LTN1: variants seen among roughly 807,000 people sequenced by gnomAD.
LTN1 encodes the protein E3 ubiquitin-protein ligase listerin.
A neutral mutation model predicts 201.2 loss-of-function variants in LTN1; 88 were observed. The ratio of observed to expected loss-of-function variants is 0.44; its 90% CI spans 0.37 to 0.52. The LOEUF (loss-of-function observed/expected upper bound fraction) is 0.52. Among genes scored for constraint, LTN1 ranks in the 20% least tolerant of loss-of-function variants. The pLI, the probability that LTN1 is intolerant of heterozygous loss-of-function variation, is 0.00. For synonymous variants in LTN1, 645 were observed against 713.5 expected, an observed-to-expected ratio of 0.90 and a Z score of 1.53; for missense variants, 1,752 against 2,038.7, an observed-to-expected ratio of 0.86 and a Z score of 2.71.
chr21:28,945,960 A>C lies in LTN1; in HGVS notation c.3624-9T>G. The C allele has an allele frequency of 6.3e-7, 1 of 1,599,388 alleles. No homozygotes were observed. Among genetic ancestry groups the C allele is most frequent in the Non-Finnish European group, 8.5e-7 (1 of 1,173,356 alleles). On this transcript the variant is annotated splice_polypyrimidine_tract_variant and intron_variant, in intron 20 of 29. Coordinates refer to ENST00000361371, the MANE Select transcript of LTN1 (RefSeq NM_015565.3). ...TTGCTTCTGATAGATTACTGTGATA[A>C]AGATAAAAACAAAAGACAATAAAAG...
chr21:28,938,641 T>A (rs924208887), intron 25 of LTN1, among the ~76,000 whole-genome samples: 2 of 152,262 alleles, frequency 1.3e-5, no homozygotes, highest in Admixed American at 6.5e-5. Context: ...AGCTTTATTT[T>A]CAATAGCCAA....
Position 28,943,287 on chromosome 21 carries a change from C to T in LTN1, c.4270G>A (p.Gly1424Arg), listed in dbSNP as rs754855048. The T allele has an allele frequency of 1.2e-6, 2 of 1,602,772 alleles. No individual in the cohort carries two copies. The highest frequency in any genetic ancestry group is 1.7e-5 in the Admixed American group (1 of 59,200). Residue 1424 changes from glycine to arginine, a missense_variant, in exon 24 of 30, where the codon GGA (glycine) becomes AGA (arginine). Physicochemically the swap from Gly to Arg is moderately radical, Grantham distance 125. This residue lies in a region of LTN1 where 1,211 missense variants were observed against 1,312.8 expected (regional missense o/e 0.92). Coordinates refer to ENST00000361371, the MANE Select transcript of LTN1 (RefSeq NM_015565.3). Reference protein sequence around the residue: ...QYDQDNLKSYGDEEEEPALSP... With the variant: ...QYDQDNLKSYRDEEEEPALSP... The stretch of plus-strand genomic sequence containing the variant: ...AAGGCTGGCTCTTCTTCTTCATCTC[C>T]GTATGACTTTAGATTATCCTGATCA...
intron 11 of LTN1, among the ~76,000 whole-genome samples, chr21:28,961,829 G>A (rs1362838460): frequency 6.6e-6 from 1 of 152,018 alleles, no homozygotes; most frequent in Non-Finnish European, 1.5e-5. Context: ...CAACCAACAC[G>A]GTGAAACCTT....
chr21:28,948,960 T>G (rs192345227), intron 18 of LTN1, among the ~76,000 whole-genome samples: 19 of 152,352 alleles, frequency 1.2e-4, no homozygotes, highest in Admixed American at 1.1e-3. Context: ...GATCTCAAAT[T>G]GCTTCTGAAA....
At chr21:28,959,358 AAC>A in intron 13 of LTN1, 98 bp downstream of exon 13, 1 of 1,415,266 alleles carries the variant, frequency 7.1e-7, no homozygotes. Flanking sequence ...TAAACTTTCA[AAC>A]ACATTATAAT....
Position 28,943,793 on chromosome 21 carries a change from G to A in LTN1, c.4094C>T (p.Ala1365Val). 6.2e-7 allele frequency: 1 copy of A among 1,613,632 alleles called. No homozygotes were observed. Residue 1365 changes from alanine to valine, a missense_variant, in exon 23 of 30, where the codon GCA becomes GTA. Physicochemically the swap from Ala to Val is moderately conservative, Grantham distance 64. Around this residue, in one of 3 missense-constraint regions of LTN1, gnomAD observed 1,211 missense variants for 1,312.8 expected, o/e 0.92. Coordinates refer to ENST00000361371, the MANE Select transcript of LTN1 (RefSeq NM_015565.3). ...KEQLLSHKLP[A>V]RLVADQKTNL... ...TGTTTTTTGGTCAGCAACTAATCTT[G>A]CAGGAAGTTTGTGACTCAATAGCTG...
chr21:28,944,019 C>T, intron 22 of LTN1, 115 bp from the exon 23 acceptor site: 1 of 676,710 alleles, frequency 1.5e-6, no homozygotes, highest in Non-Finnish European at 2.6e-6. Flanking sequence ...TAGACATAAA[C>T]AATAAAGCAG....
chr21:28,931,129 G>A lies in LTN1; in HGVS notation c.5238+26C>T, dbSNP rs575594408. 13 of 1,471,738 alleles carry A rather than the reference G, an allele frequency of 8.8e-6. No homozygotes were observed. In the East Asian group the frequency reaches 2.5e-4, roughly 28 times the overall value. 91.2% of individuals were successfully genotyped at this position (1,471,738 alleles called of 1,614,324 possible). A position where few individuals can be genotyped will look rare whatever the true frequency, so the allele number is the denominator to read the frequency against. On this transcript the variant is annotated intron_variant, in intron 29 of 29. Transcript: ENST00000361371. Reference sequence around the variant, plus strand: ...TGTGTATAAAATACATAAAATATAAGTAAGTTAATTTCTCTTTAGACTTAC... The same window carrying A: ...TGTGTATAAAATACATAAAATATAAATAAGTTAATTTCTCTTTAGACTTAC...
intron 18 of LTN1, among the ~76,000 whole-genome samples, chr21:28,951,389 A>T (rs1326424673): frequency 6.6e-6 from 1 of 152,154 alleles, no homozygotes; most frequent in Non-Finnish European, 1.5e-5. Flanking sequence ...AGCACACCCA[A>T]ACCCACAATC....
Position 28,986,911 on chromosome 21 carries a change from T to C in LTN1, c.66A>G (p.Ala22=). 1 of 1,614,128 alleles carries C rather than the reference T, an allele frequency of 6.2e-7. No homozygotes were observed. Among genetic ancestry groups the C allele is most frequent in the Non-Finnish European group, 8.5e-7 (1 of 1,179,958 alleles). ...NLRPSNSGRA[A]ELLAKEQGTV... is the part of the protein sequence containing the mutation. ...TTCCCTGTTCTTTGGCAAGGAGTTC[T>C]GCAGCTCGGCCACTGTTTGAAGGCT... Residue 22 remains alanine, a synonymous_variant, in exon 2 of 30, where the codon GCA becomes GCG. Coordinates refer to ENST00000361371, the MANE Select transcript of LTN1 (RefSeq NM_015565.3). This position sits in a 1 kb window ranked among gnomAD's most constrained non-coding sequence, Gnocchi z 4.1.
intron 6 of LTN1, among the ~76,000 whole-genome samples, chr21:28,975,995 A>T (rs1356333246): frequency 6.6e-6 from 1 of 152,226 alleles, no homozygotes; most frequent in African/African-American, 2.4e-5. Flanking sequence ...AGTAATGCCT[A>T]GCTCCATTTA....
At chr21:28,970,191 G>C (rs1159173780) in intron 8 of LTN1, among the ~76,000 whole-genome samples, 1 of 151,968 alleles carries the variant, frequency 6.6e-6, no homozygotes, top group Admixed American at 6.6e-5. Flanking sequence ...AATTTCACTG[G>C]CTAATTTTCT....
rs1242492254 is a variant in LTN1, at chr21:28,992,821, T to C, written c.-16A>G. On this transcript the variant is annotated 5_prime_UTR_variant, in exon 1 of 30. Coordinates refer to ENST00000361371, the MANE Select transcript of LTN1 (RefSeq NM_015565.3). ...TCCCGCCCATGGTCGCGGTTGCAGC[T>C]GTACTCTGAGCACTCAGACCCCGGT... 2.5e-6 allele frequency: 4 copies of C among 1,614,100 alleles called. No homozygotes were observed. In the Admixed American group the frequency reaches 6.7e-5, roughly 27 times the overall value.
At chr21:28,944,060 T>C (rs2084318250) in intron 22 of LTN1, among the ~76,000 whole-genome samples, 156 bp from the exon 23 acceptor site, 1 of 152,216 alleles carries the variant, frequency 6.6e-6, no homozygotes, top group Non-Finnish European at 1.5e-5. Context: ...TGAATATATA[T>C]TCCAGTTAAT....
intron 27 of LTN1, among the ~76,000 whole-genome samples, chr21:28,933,788 T>A (rs2084231821): frequency 6.6e-6 from 1 of 151,402 alleles, no homozygotes; most frequent in Admixed American, 6.6e-5. Flanking sequence ...AAAATTCTCC[T>A]ACCTCAGCCT....
Position 28,947,514 on chromosome 21 carries a change from C to T in LTN1, c.3437G>A (p.Cys1146Tyr). Residue 1146 changes from cysteine to tyrosine, a missense_variant, in exon 19 of 30, where the codon TGT becomes TAT. Cys to Tyr is a radical substitution (Grantham distance 194). Coordinates refer to ENST00000361371, the MANE Select transcript of LTN1 (RefSeq NM_015565.3). ...KEEKKEFSAQ[C>Y]IPALLGWTKK... Reference sequence around the variant, plus strand: ...AGTCCAGCCCAAAAGAGCAGGTATACATTGAGCACTAAATTCTTTCTTTTC... The same window carrying T: ...AGTCCAGCCCAAAAGAGCAGGTATATATTGAGCACTAAATTCTTTCTTTTC... The T allele has an allele frequency of 1.3e-6, 2 of 1,584,738 alleles. No individual in the cohort carries two copies. The highest frequency in any genetic ancestry group is 1.7e-6 in the Non-Finnish European group (2 of 1,166,668).
Position 28,943,663 on chromosome 21 carries a change from T to C in LTN1, c.4220+4A>G. On this transcript the variant is annotated splice_donor_region_variant and intron_variant, in intron 23 of 29. Coordinates refer to ENST00000361371, the MANE Select transcript of LTN1 (RefSeq NM_015565.3). ...AACATTGATTCAATTGGATGAATTC[T>C]TACTTGTATAGCATATGATAAACAG... 6.4e-7 allele frequency: 1 copy of C among 1,567,186 alleles called. No individual in the cohort carries two copies. Among genetic ancestry groups the C allele is most frequent in the South Asian group, 1.1e-5 (1 of 90,120 alleles).
Position 28,986,248 on chromosome 21 carries a change from G to A in LTN1, c.247-11C>T. The stretch of plus-strand genomic sequence containing the variant: ...AAATTCCTGCATAGCCTAAAAGTAA[G>A]TTATTAACATCATTAGGATTAACAA... On this transcript the variant is annotated splice_polypyrimidine_tract_variant and intron_variant, in intron 2 of 29. Transcript: ENST00000361371. This position sits in a 1 kb window ranked among gnomAD's most constrained non-coding sequence, Gnocchi z 4.1. 2 of 1,453,068 alleles carry A rather than the reference G, an allele frequency of 1.4e-6. No homozygotes were observed. The highest frequency in any genetic ancestry group is 1.9e-6 in the Non-Finnish European group (2 of 1,035,240). 90.0% of individuals were successfully genotyped at this position (1,453,068 alleles called of 1,614,324 possible).
chr21:28,931,378 T>C, intron 28 of LTN1, 56 bp from the exon 29 acceptor site: 2 of 995,116 alleles, frequency 2.0e-6, no homozygotes, highest in Admixed American at 5.4e-5. Context: ...AATTTTATTT[T>C]TATTCAATTT....
Sources: gnomAD v4.1 joint callset for allele counts (sites outside exome capture counted in the v4.1 genomes callset) on GRCh38, gnomAD v4.1.1 for gene constraint, gnomAD v4.1.1 regional missense constraint, Gnocchi (gnomAD v3.1) non-coding constraint, MANE v1.5 for transcripts, NCBI Gene and HGNC (gene_info 2026-07-23, HGNC 2026-07-21) for gene names.